The following MPG variants were observed in gnomAD, a reference collection of about 807,000 sequenced individuals.
The protein encoded by MPG is N-methylpurine DNA glycosylase.
In MPG, 33 loss-of-function variants were observed where a neutral mutation model predicts 31.7. The observed-to-expected ratio is 1.04, with a 90% CI of 0.79 to 1.39. MPG has a LOEUF of 1.39. Ranked by LOEUF, MPG falls within the 40% of genes most tolerant of loss-of-function variation. The pLI is 0.00. For missense variants in MPG, 455 were observed against 415.5 expected, an observed-to-expected ratio of 1.10 and a Z score of -0.83; for synonymous variants, 202 against 169.2, an observed-to-expected ratio of 1.19 and a Z score of -1.51.
chr16:78,238 C>A lies in MPG; in HGVS notation c.-72C>A. 1 of 1,342,492 alleles carries A rather than the reference C, an allele frequency of 7.4e-7. No individual in the cohort carries two copies. Among genetic ancestry groups the A allele is most frequent in the Non-Finnish European group, 9.7e-7 (1 of 1,034,982 alleles). The allele number at this position is 1,342,492 out of a possible 1,614,324, so 83.2% of individuals were successfully genotyped here. A position where few individuals can be genotyped will look rare whatever the true frequency, so the allele number is the denominator to read the frequency against. On this transcript the variant is annotated 5_prime_UTR_variant, in exon 1 of 4. Transcript: ENST00000356432. ...CCGCTCCGCCCCGGTCCTAGGGGTGCTTCCGTGGTCGGCGGCTGCTGGGCT... is the reference window on the plus strand; with the variant it reads ...CCGCTCCGCCCCGGTCCTAGGGGTGATTCCGTGGTCGGCGGCTGCTGGGCT...
rs752519796 is a variant in MPG, at chr16:79,615, C to T, written c.215C>T (p.Ser72Leu). The change falls in exon 2 of 4, where the codon TCA (serine) becomes TTA (leucine). Residue 72 changes from serine (S) to leucine (L), a missense_variant. Transcript: ENST00000356432. ...GGCCCATACCGCAGCATCTATTTCT[C>T]AAGCCCAAAGGGCCACCTTACCCGA... is the stretch of plus-strand genomic sequence containing the variant. Reference protein sequence around the residue: ...TPGPYRSIYFSSPKGHLTRLG... With the variant: ...TPGPYRSIYFLSPKGHLTRLG... 2 of 1,599,186 alleles carry T rather than the reference C, an allele frequency of 1.3e-6. No individual in the cohort carries two copies. Among genetic ancestry groups the T allele is most frequent in the South Asian group, 1.1e-5 (1 of 89,900 alleles).
chr16:82,169 C>T (rs1898264643), intron 2 of MPG, among the ~76,000 whole-genome samples: 1 of 118,166 alleles, frequency 8.5e-6, no homozygotes, highest in Non-Finnish European at 1.7e-5. Context: ...ACCACCCTAT[C>T]TCCGGGAAGC....
chr16:78,933 G>A (rs938213899), intron 1 of MPG, among the ~76,000 whole-genome samples: 1 of 152,212 alleles, frequency 6.6e-6, no homozygotes, highest in East Asian at 1.9e-4. Context: ...CCCTGAGCAC[G>A]CGGTGGTCAC....
At position 78,249 on chromosome 16, in the gene MPG, G is replaced by C; in HGVS notation, c.-61G>C. On this transcript the variant is annotated 5_prime_UTR_variant, in exon 1 of 4. Transcript: ENST00000356432. ...CGGTCCTAGGGGTGCTTCCGTGGTC[G>C]GCGGCTGCTGGGCTCCGCGCCGGGG... 1 of 1,362,794 alleles carries C rather than the reference G, an allele frequency of 7.3e-7. No individual in the cohort carries two copies. The highest frequency in any genetic ancestry group is 9.5e-7 in the Non-Finnish European group (1 of 1,052,520). The allele number at this position is 1,362,794 out of a possible 1,614,324, so 84.4% of individuals were successfully genotyped here.
In MPG at chr16:85,525, C is replaced by T; in HGVS notation, c.630C>T (p.Cys210=). ...ASRVLKDREL[C]SGPSKLCQAL... ...GTGTCCTCAAGGACCGCGAGCTCTG[C>T]AGTGGCCCCTCCAAGCTGTGCCAGG... Residue 210 remains cysteine (C), a synonymous_variant, in exon 4 of 4, where the codon TGC becomes TGT. Transcript: ENST00000356432. 2 of 1,613,414 alleles carry T rather than the reference C, an allele frequency of 1.2e-6. No homozygotes were observed. The highest frequency in any genetic ancestry group is 1.7e-6 in the Non-Finnish European group (2 of 1,180,044).
chr16:82,947 C>CCA, intron 2 of MPG, 105 bp from the exon 3 acceptor site: 1 of 980,784 alleles, frequency 1.0e-6, no homozygotes. Context: ...TAGACCTGGG[C>CCA]GGCTGACACA....
In MPG at chr16:78,294, C is replaced by T; in HGVS notation, c.-16C>T. The T allele has an allele frequency of 1.5e-6, 2 of 1,340,278 alleles. No homozygotes were observed. The highest frequency in any genetic ancestry group is 1.9e-6 in the Non-Finnish European group (2 of 1,043,480). 83.0% of individuals were successfully genotyped at this position (1,340,278 alleles called of 1,614,324 possible). ...CCGGGGTCCGAGTCCCACGAAGCCC[C>T]GGCCCGAGCCGCCGGATGCCCGCGC... On this transcript the variant is annotated 5_prime_UTR_variant, in exon 1 of 4. Transcript: ENST00000356432.
At chr16:77,461 C>A (rs181104355), upstream of MPG, among the ~76,000 whole-genome samples, 7 of 152,290 alleles carry the variant, frequency 4.6e-5, no homozygotes, top group Admixed American at 4.6e-4. Context: ...GCTGGGCCGT[C>A]GGGGAGGCCT....
chr16:81,655 T>A (rs74000625), intron 2 of MPG, among the ~76,000 whole-genome samples: 2 of 97,954 alleles, frequency 2.0e-5, no homozygotes, highest in South Asian at 3.0e-4. Flanking sequence ...CACCACCCTA[T>A]CTCCGGGAAG....
At chr16:85,166 C>T (rs1306039295) in intron 3 of MPG, among the ~76,000 whole-genome samples, 2 of 152,212 alleles carry the variant, frequency 1.3e-5, no homozygotes, top group Non-Finnish European at 2.9e-5. Flanking sequence ...GGAGGCACAC[C>T]TCATGGTGCA....
intron 3 of MPG, 172 bp downstream of exon 3, chr16:83,428 T>G (rs1596487366): frequency 2.9e-6 from 2 of 698,442 alleles, no homozygotes. Context: ...GCAGGGCTGG[T>G]TAGGTTAAAG....
At chr16:85,294 A>C (rs955184333) in intron 3 of MPG, 107 bp from the exon 4 acceptor site, 1 of 1,359,494 alleles carries the variant, frequency 7.4e-7, no homozygotes, top group African/African-American at 1.5e-5. Context: ...TGGCCCAGGC[A>C]GGAAGGCAGC....
rs1276682159 is a variant in MPG at position 80,793 on chromosome 16, G to A, written c.300+1093G>A. 2.6e-5 allele frequency among the ~76,000 whole-genome samples: 4 copies of A among 152,154 alleles called. No individual in the cohort carries two copies. In the East Asian group the frequency reaches 7.7e-4, roughly 29 times the overall value. On this transcript the variant is annotated intron_variant, in intron 2 of 3. Coordinates refer to ENST00000356432, the MANE Select transcript of MPG (RefSeq NM_001015052.3). Reference sequence around the variant, plus strand: ...CATTGCACTCCGGCCTGGGCGACAGGGCGAGACTCCGTCTCAAAAATAAAA... The same window carrying A: ...CATTGCACTCCGGCCTGGGCGACAGAGCGAGACTCCGTCTCAAAAATAAAA...
rs1486781922 is a variant in MPG, at chr16:85,535, T to C, written c.640T>C (p.Ser214Pro). ...LKDRELCSGP[S>P]KLCQALAINK... ...GGACCGCGAGCTCTGCAGTGGCCCC[T>C]CCAAGCTGTGCCAGGCCCTGGCCAT... The change falls in exon 4 of 4, where the codon TCC becomes CCC. Residue 214 changes from serine (S) to proline (P), a missense_variant. By Grantham distance (74) the Ser-to-Pro change is moderately conservative. Transcript: ENST00000356432. 1.2e-6 allele frequency: 2 copies of C among 1,613,246 alleles called. No individual in the cohort carries two copies. Among genetic ancestry groups the C allele is most frequent in the East Asian group, 2.2e-5 (1 of 44,890 alleles).
chr16:78,147 G>A, upstream of MPG: 1 of 476,566 alleles, frequency 2.1e-6, no homozygotes, highest in Admixed American at 4.9e-5. Context: ...CCGCCCCGGG[G>A]GCGCAGCCAG....
intron 1 of MPG, 80 bp downstream of exon 1, chr16:78,413 G>A: frequency 9.0e-7 from 1 of 1,115,350 alleles, no homozygotes; most frequent in Non-Finnish European, 1.1e-6. Context: ...GCGGGAGCGG[G>A]AGTGCCGGGG....
At position 85,441 on chromosome 16, in the gene MPG, G is replaced by A; in HGVS notation, c.546G>A (p.Leu182=). The A allele has an allele frequency of 3.7e-6, 6 of 1,612,116 alleles. No homozygotes were observed. The highest frequency in any genetic ancestry group is 5.1e-6 in the Non-Finnish European group (6 of 1,179,486). ...ACVLLRALEP[L]EGLETMRQLR... ...TCTTGCTGCGAGCACTGGAGCCCCTGGAAGGTCTGGAGACCATGCGTCAGC... is the reference window on the plus strand; with the variant it reads ...TCTTGCTGCGAGCACTGGAGCCCCTAGAAGGTCTGGAGACCATGCGTCAGC... The change falls in exon 4 of 4, where the codon CTG becomes CTA. Residue 182 remains leucine, a synonymous_variant. Coordinates refer to ENST00000356432, the MANE Select transcript of MPG (RefSeq NM_001015052.3).
chr16:78,922 A>T (rs1898162423), intron 1 of MPG, among the ~76,000 whole-genome samples: 1 of 152,074 alleles, frequency 6.6e-6, no homozygotes, highest in African/African-American at 2.4e-5. Flanking sequence ...ACAGTTAGGG[A>T]CCCTGAGCAC....
chr16:83,867 G>A (rs1898332427), intron 3 of MPG, among the ~76,000 whole-genome samples: 1 of 152,186 alleles, frequency 6.6e-6, no homozygotes, highest in South Asian at 2.1e-4. Flanking sequence ...GATTGGAGAA[G>A]AGGATGACTG....
Sources: gnomAD v4.1 joint callset for allele counts (sites outside exome capture counted in the v4.1 genomes callset) on GRCh38, gnomAD v4.1.1 for gene constraint, MANE v1.5 for transcripts, NCBI Gene and HGNC (gene_info 2026-07-23, HGNC 2026-07-21) for gene names.